Variants in COL24A1 observed in about 807,000 individuals in gnomAD.
The protein encoded by COL24A1 is collagen type XXIV alpha 1 chain, also known as collagen alpha-1(XXIV) chain.
Under a neutral mutation model 253.9 loss-of-function variants are expected in COL24A1, and 224 were observed. The ratio of observed to expected loss-of-function variants is 0.88; its 90% CI spans 0.79 to 0.99. COL24A1 has a LOEUF of 0.99. Among genes scored for constraint, COL24A1 ranks in the 50% least tolerant of loss-of-function variants. COL24A1 has a pLI of 0.00. For synonymous variants in COL24A1, 685 were observed against 673.7 expected, an observed-to-expected ratio of 1.02 and a Z score of -0.26; for missense variants, 2,131 against 2,068.5, an observed-to-expected ratio of 1.03 and a Z score of -0.59.
intron 43 of COL24A1, among the ~76,000 whole-genome samples, chr1:85,829,578 G>T (rs899051610): frequency 2.0e-4 from 31 of 151,712 alleles, no homozygotes; most frequent in African/African-American, 7.2e-4. Context: ...CGTAGATTTG[G>T]TTTTTTCATA....
chr1:85,791,487 C>T (rs1054396628), intron 47 of COL24A1, among the ~76,000 whole-genome samples: 31 of 152,202 alleles, frequency 2.0e-4, no homozygotes, highest in African/African-American at 7.2e-4. Context: ...CAAACAGTTT[C>T]AGTAGCATAT....
chr1:86,053,218 T>C (rs1700438627), intron 10 of COL24A1, among the ~76,000 whole-genome samples: 1 of 152,038 alleles, frequency 6.6e-6, no homozygotes, highest in African/African-American at 2.4e-5. Flanking sequence ...TGTTTTAATA[T>C]ATACAACAGG....
At chr1:85,773,511 GT>G (rs1308122636) in intron 53 of COL24A1, among the ~76,000 whole-genome samples, 3 of 152,128 alleles carry the variant, frequency 2.0e-5, no homozygotes, top group Non-Finnish European at 4.4e-5. Context: ...AGCATGGAAT[GT>G]TTTTCCATTT....
At chr1:85,920,136 G>A (rs1686300781) in intron 24 of COL24A1, among the ~76,000 whole-genome samples, 1 of 152,142 alleles carries the variant, frequency 6.6e-6, no homozygotes. Context: ...TCAAAATCCA[G>A]TAAATTGGAA....
chr1:85,849,298 A>C (rs1012409131), intron 38 of COL24A1, 55 bp downstream of exon 38: 2 of 1,318,940 alleles, frequency 1.5e-6, no homozygotes, highest in African/African-American at 2.9e-5. Flanking sequence ...CAGTCTATGG[A>C]GTTCTGGGCA....
intron 35 of COL24A1, among the ~76,000 whole-genome samples, chr1:85,869,813 C>A (rs1404875762): frequency 1.3e-5 from 2 of 152,126 alleles, no homozygotes; most frequent in African/African-American, 2.4e-5. Flanking sequence ...AACCAGCTAA[C>A]ATCATAATGA....
At chr1:85,786,529 A>G in intron 47 of COL24A1, 68 bp from the exon 48 acceptor site, 1 of 1,435,140 alleles carries the variant, frequency 7.0e-7, no homozygotes, top group Non-Finnish European at 9.6e-7. Context: ...GGCTCAATAA[A>G]ATGTAGGAAG....
At chr1:85,952,523 T>A (rs1463727867) in intron 24 of COL24A1, among the ~76,000 whole-genome samples, 2 of 152,268 alleles carry the variant, frequency 1.3e-5, no homozygotes, top group Non-Finnish European at 2.9e-5. Context: ...TTAATGTTTC[T>A]TAATGATAAA....
chr1:85,860,885 C>T lies in COL24A1; in HGVS notation c.3300+7634G>A, dbSNP rs528031930. Among the ~76,000 whole-genome samples, 244 of 152,314 alleles carry T rather than the reference C, an allele frequency of 1.6e-3. 1 individual carries two copies. Among genetic ancestry groups the T allele is most frequent in the African/African-American group, 5.7e-3 (235 of 41,564 alleles). On this transcript the variant is annotated intron_variant, in intron 37 of 59. Coordinates refer to ENST00000370571, the MANE Select transcript of COL24A1 (RefSeq NM_152890.7). Reference sequence around the variant, plus strand: ...TCCTTTTTATTGTCAAATAATATTTCGCATGTTATTTATTAATTCATCAGG... The same window carrying T: ...TCCTTTTTATTGTCAAATAATATTTTGCATGTTATTTATTAATTCATCAGG...
chr1:85,907,464 C>T (rs985190961), intron 27 of COL24A1, among the ~76,000 whole-genome samples: 2 of 151,794 alleles, frequency 1.3e-5, no homozygotes, highest in African/African-American at 2.4e-5. Flanking sequence ...GGTGTTTACA[C>T]CCTGAATAAA....
chr1:86,139,460 C>T lies in COL24A1; in HGVS notation c.121+6659G>A, dbSNP rs191814588. ...GTCAATATTCAGCGATAGTCTATCA[C>T]AAATTGGAAGAAGAAGAATTGTACT... is the stretch of plus-strand genomic sequence containing the variant. On this transcript the variant is annotated intron_variant, in intron 2 of 59. Transcript: ENST00000370571. 2.7e-3 allele frequency among the ~76,000 whole-genome samples: 411 copies of T among 152,208 alleles called. 2 individuals carry two copies. The highest frequency in any genetic ancestry group is 9.4e-3 in the African/African-American group (390 of 41,538).
At chr1:86,067,226 C>T (rs577129671) in intron 7 of COL24A1, among the ~76,000 whole-genome samples, 32 of 151,908 alleles carry the variant, frequency 2.1e-4, no homozygotes, top group African/African-American at 6.0e-4. Context: ...ACATATCAGG[C>T]TCCCACGGGG....
intron 55 of COL24A1, among the ~76,000 whole-genome samples, chr1:85,760,058 GTTTTTT>G (rs34107171): frequency 3.5e-4 from 52 of 149,370 alleles, no homozygotes; most frequent in South Asian, 6.4e-4. Context: ...GAAAGACATT[GTTTTTT>G]TTTTTTTTTT....
chr1:86,066,752 T>C (rs574830394), intron 7 of COL24A1, among the ~76,000 whole-genome samples: 48 of 152,340 alleles, frequency 3.2e-4, no homozygotes, highest in African/African-American at 1.1e-3. Flanking sequence ...TAATTTTTTA[T>C]TGCTTAAATC....
chr1:85,813,007 T>C (rs1358584932), intron 47 of COL24A1, among the ~76,000 whole-genome samples: 1 of 152,174 alleles, frequency 6.6e-6, no homozygotes, highest in East Asian at 1.9e-4. Flanking sequence ...AGACATAGAT[T>C]TGCTATTCTA....
At chr1:85,815,440 GTT>G (rs1672962049) in intron 47 of COL24A1, among the ~76,000 whole-genome samples, 1 of 152,106 alleles carries the variant, frequency 6.6e-6, no homozygotes. Context: ...TGGCCTGGCT[GTT>G]AAAGTTTCGT....
At chr1:85,892,283 A>G (rs926757415) in intron 31 of COL24A1, among the ~76,000 whole-genome samples, 3 of 152,102 alleles carry the variant, frequency 2.0e-5, no homozygotes, top group African/African-American at 4.8e-5. Flanking sequence ...ACCAGCGGCC[A>G]AAAGAAAATG....
chr1:86,032,050 C>A, intron 13 of COL24A1, 128 bp from the exon 14 acceptor site: 1 of 645,596 alleles, frequency 1.5e-6, no homozygotes, highest in South Asian at 2.4e-5. Context: ...TAGCTAACTT[C>A]TGAAACTCCC....
Position 86,126,246 on chromosome 1 carries a change from T to A in COL24A1, c.122-32A>T, listed in dbSNP as rs763214356. ...ATTTAAAAAAGAGAGAGAGAAAGAATCTTAATTTTATGGATTCAAGTGTTC... is the reference window on the plus strand; with the variant it reads ...ATTTAAAAAAGAGAGAGAGAAAGAAACTTAATTTTATGGATTCAAGTGTTC... On this transcript the variant is annotated intron_variant, in intron 2 of 59. Transcript: ENST00000370571. 21 of 1,531,892 alleles carry A rather than the reference T, an allele frequency of 1.4e-5. No homozygotes were observed. In the South Asian group the frequency reaches 2.2e-4, roughly 16 times the overall value. The allele number at this position is 1,531,892 out of a possible 1,614,324, so 94.9% of individuals were successfully genotyped here.
Sources: allele counts gnomAD v4.1 joint callset (sites outside exome capture counted in the v4.1 genomes callset), GRCh38; gene constraint gnomAD v4.1.1; transcripts MANE v1.5; gene names NCBI Gene and HGNC (gene_info 2026-07-23, HGNC 2026-07-21).